Variants in DPP6 observed in about 807,000 individuals in gnomAD.
DPP6 encodes the protein A-type potassium channel modulatory protein DPP6.
Under a neutral mutation model 122.6 loss-of-function variants are expected in DPP6, and 69 were observed. That is an observed-to-expected ratio of 0.56 (90% CI 0.46 to 0.69). The LOEUF is 0.69. DPP6 is among the 30% of genes least tolerant of loss of function. The probability of loss-of-function intolerance (pLI) is 0.00; values close to 1 mark genes in which losing one functional copy is unlikely to be tolerated. For synonymous variants in DPP6, 418 were observed against 433.1 expected (o/e 0.97, Z 0.43); for missense variants, 928 against 1,116.9 (o/e 0.83, Z 2.41).
At chr7:154,356,497 G>A (rs1811276541) in intron 1 of DPP6, among the ~76,000 whole-genome samples, 1 of 152,072 alleles carries the variant, frequency 6.6e-6, no homozygotes, top group Admixed American at 6.6e-5. Context: ...GAGGCCAGGA[G>A]TTTGAGGTTG....
chr7:154,361,491 A>G (rs540388607), intron 1 of DPP6, among the ~76,000 whole-genome samples: 42 of 152,112 alleles, frequency 2.8e-4, no homozygotes, highest in Admixed American at 1.0e-3. Context: ...TGACAGGTCA[A>G]CATCAGCAAG....
intron 7 of DPP6, among the ~76,000 whole-genome samples, chr7:154,682,442 G>A (rs920281152): frequency 3.3e-5 from 5 of 152,232 alleles, no homozygotes; most frequent in African/African-American, 1.2e-4. Flanking sequence ...GAACAGTGAG[G>A]CCTCGTGGGC....
chr7:154,047,691 G>A (rs1800093419), upstream of DPP6, among the ~76,000 whole-genome samples: 1 of 152,178 alleles, frequency 6.6e-6, no homozygotes. Context: ...GGTAGCACAA[G>A]GCAAGATTTG....
intron 5 of DPP6, among the ~76,000 whole-genome samples, chr7:154,590,826 G>A (rs1349430498): frequency 2.0e-5 from 3 of 151,892 alleles, no homozygotes; most frequent in African/African-American, 7.3e-5. Context: ...GAGCCACCAC[G>A]CCCAGCCGAT....
intron 3 of DPP6, among the ~76,000 whole-genome samples, chr7:154,540,043 A>G (rs969836515): frequency 2.6e-5 from 4 of 151,942 alleles, no homozygotes; most frequent in African/African-American, 7.3e-5. Flanking sequence ...AGATGTATAG[A>G]TTCAAAGGTA....
intron 7 of DPP6, among the ~76,000 whole-genome samples, chr7:154,704,592 C>A (rs1434967626): frequency 6.6e-6 from 1 of 152,180 alleles, no homozygotes; most frequent in East Asian, 1.9e-4. Context: ...CAGCAACCAG[C>A]CCCTGATCAG....
intron 1 of DPP6, among the ~76,000 whole-genome samples, chr7:154,443,507 C>T (rs552112250): frequency 0.16 from 22,596 of 143,324 alleles, 3,846 homozygotes; most frequent in African/African-American, 0.34. Context: ...TTGACAGATA[C>T]ATGGATGGAT....
At chr7:153,832,338 A>T in the DPP6 span, among the ~76,000 whole-genome samples, 1 of 152,338 alleles carries the variant, frequency 6.6e-6, no homozygotes, top group South Asian at 2.1e-4. Context: ...TCCAGCCACG[A>T]GGGGGCTCCT....
chr7:154,635,967 G>C (rs1330334605), intron 5 of DPP6, among the ~76,000 whole-genome samples: 1 of 152,080 alleles, frequency 6.6e-6, no homozygotes, highest in Non-Finnish European at 1.5e-5. Flanking sequence ...TGTTCATGAG[G>C]GTCACTAAGT....
chr7:154,400,822 GA>G (rs1190400294), intron 1 of DPP6, among the ~76,000 whole-genome samples: 1 of 152,144 alleles, frequency 6.6e-6, no homozygotes, highest in Non-Finnish European at 1.5e-5. Flanking sequence ...TCCTCTTAAT[GA>G]AGACCTTTCT....
the DPP6 span, among the ~76,000 whole-genome samples, chr7:153,789,665 TTAAC>T: frequency 2.6e-5 from 4 of 152,144 alleles, no homozygotes; most frequent in Admixed American, 2.6e-4. Flanking sequence ...ATCACCTTAA[TTAAC>T]AGAGATATCA....
At chr7:154,718,557 C>G (rs996251555) in intron 7 of DPP6, among the ~76,000 whole-genome samples, 5 of 151,896 alleles carry the variant, frequency 3.3e-5, no homozygotes, top group East Asian at 3.9e-4. Flanking sequence ...CCACACCCCC[C>G]CCAACTTTAG....
At chr7:154,222,603 C>T (rs951234900) in intron 1 of DPP6, among the ~76,000 whole-genome samples, 5 of 147,790 alleles carry the variant, frequency 3.4e-5, no homozygotes, top group Admixed American at 1.3e-4. Context: ...TGCAGTGAGC[C>T]GAGATCACAC....
chr7:154,800,050 A>G (rs1798266666), intron 12 of DPP6, among the ~76,000 whole-genome samples: 1 of 152,248 alleles, frequency 6.6e-6, no homozygotes, highest in South Asian at 2.1e-4. Flanking sequence ...CCAAACGTGC[A>G]AACATTTCCC....
intron 15 of DPP6, among the ~76,000 whole-genome samples, chr7:154,806,231 G>A (rs3807272): frequency 0.82 from 124,482 of 152,206 alleles, 50,979 homozygotes; most frequent in Non-Finnish European, 0.84. Flanking sequence ...AAATATCTTT[G>A]CTCCTGGAAC....
intron 1 of DPP6, chr7:154,057,937 G>C (rs1801007513): frequency 6.6e-6 from 1 of 150,980 alleles, no homozygotes. Context: ...CCCTATTTGA[G>C]GGCCTTGGCA....
At chr7:153,764,530 T>C in the DPP6 span, among the ~76,000 whole-genome samples, 4 of 151,974 alleles carry the variant, frequency 2.6e-5, no homozygotes, top group African/African-American at 9.7e-5. Flanking sequence ...ATGGTGGTTA[T>C]GGATCTCATC....
intron 23 of DPP6, among the ~76,000 whole-genome samples, chr7:154,888,059 C>T (rs1806307575): frequency 6.6e-6 from 1 of 151,254 alleles, no homozygotes; most frequent in South Asian, 2.1e-4. Context: ...TCCCTACAGC[C>T]AGAGCTGTGC....
At chr7:154,777,954 T>A (rs970265820) in intron 10 of DPP6, among the ~76,000 whole-genome samples, 8 of 152,226 alleles carry the variant, frequency 5.3e-5, no homozygotes, top group African/African-American at 1.9e-4. Context: ...TTAGATGCTG[T>A]GCAGCTCCTG....
Sources: allele counts gnomAD v4.1 joint callset (sites outside exome capture counted in the v4.1 genomes callset), GRCh38; gene constraint gnomAD v4.1.1; transcripts MANE v1.5; gene names NCBI Gene and HGNC (gene_info 2026-07-23, HGNC 2026-07-21).